The following PEAK1 variants were observed in gnomAD, a reference collection of about 807,000 sequenced individuals.
The protein encoded by PEAK1 is inactive tyrosine-protein kinase PEAK1.
Under a neutral mutation model 124.7 loss-of-function variants are expected in PEAK1, and 54 were observed. That is an observed-to-expected ratio of 0.43 (90% confidence interval 0.35 to 0.54). The LOEUF is 0.54. Among genes scored for constraint, PEAK1 ranks in the 20% least tolerant of loss-of-function variants. The probability of loss-of-function intolerance (pLI) is 0.01; values close to 1 mark genes in which losing one functional copy is unlikely to be tolerated. For missense variants in PEAK1, 2,046 were observed against 2,134.5 expected (o/e 0.96, Z 0.82); for synonymous variants, 719 against 760.0 (o/e 0.95, Z 0.89).
At chr15:77,397,837 A>G (rs556126263) in intron 1 of PEAK1, among the ~76,000 whole-genome samples, 138 of 152,252 alleles carry the variant, frequency 9.1e-4, no homozygotes, top group African/African-American at 3.2e-3. Context: ...AGGTGGGCGG[A>G]TCACCTGAGG....
chr15:77,268,259 G>A (rs948144649), intron 5 of PEAK1, among the ~76,000 whole-genome samples: 1 of 152,222 alleles, frequency 6.6e-6, no homozygotes, highest in African/African-American at 2.4e-5. Flanking sequence ...CAGATCACTT[G>A]ATGTCAGGAG....
At chr15:77,144,230 TA>T (rs1393163950) in intron 8 of PEAK1, among the ~76,000 whole-genome samples, 1 of 152,226 alleles carries the variant, frequency 6.6e-6, no homozygotes, top group Non-Finnish European at 1.5e-5. Context: ...TATCTACCAC[TA>T]TTTCTCATCA....
At chr15:77,303,533 G>T (rs2063900689) in intron 2 of PEAK1, among the ~76,000 whole-genome samples, 1 of 152,054 alleles carries the variant, frequency 6.6e-6, no homozygotes, top group Admixed American at 6.5e-5. Context: ...TGCTAATTTT[G>T]CCATCTGCTT....
intron 7 of PEAK1, among the ~76,000 whole-genome samples, chr15:77,172,299 T>C (rs1297801972): frequency 6.6e-6 from 1 of 152,218 alleles, no homozygotes; most frequent in African/African-American, 2.4e-5. Flanking sequence ...TTGACATATT[T>C]CATTATATAA....
At chr15:77,153,762 C>A (rs997788842) in intron 8 of PEAK1, among the ~76,000 whole-genome samples, 3 of 152,122 alleles carry the variant, frequency 2.0e-5, no homozygotes, top group Admixed American at 6.6e-5. Flanking sequence ...CATTCAGGAG[C>A]AGGTTGTTCA....
chr15:77,301,122 T>C (rs1488669514), intron 2 of PEAK1, among the ~76,000 whole-genome samples: 1 of 152,204 alleles, frequency 6.6e-6, no homozygotes, highest in African/African-American at 2.4e-5. Context: ...TATATGGTTC[T>C]AGAGACGAGA....
chr15:77,262,356 A>C (rs945593523), intron 5 of PEAK1, among the ~76,000 whole-genome samples: 1 of 152,168 alleles, frequency 6.6e-6, no homozygotes, highest in Admixed American at 6.5e-5. Context: ...TGCTGTATTC[A>C]GGAAACCCAT....
rs745592839 is a variant in PEAK1 at position 77,158,497 on chromosome 15, A to G, written c.3331+6T>C. On this transcript the variant is annotated splice_donor_region_variant and intron_variant, in intron 8 of 9. Coordinates refer to ENST00000682557, the MANE Select transcript of PEAK1 (RefSeq NM_001385026.1). ...TAAATACTACTTATTGGACATTTGCACTTACCTAAGTTGCTGTATGTTGCA... is the reference window on the plus strand; with the variant it reads ...TAAATACTACTTATTGGACATTTGCGCTTACCTAAGTTGCTGTATGTTGCA... 6.2e-7 allele frequency: 1 copy of G among 1,612,592 alleles called. No individual in the cohort carries two copies. The highest frequency in any genetic ancestry group is 1.1e-5 in the South Asian group (1 of 91,042).
intron 1 of PEAK1, among the ~76,000 whole-genome samples, chr15:77,409,531 A>G (rs1458799693): frequency 6.6e-6 from 1 of 152,212 alleles, no homozygotes; most frequent in African/African-American, 2.4e-5. Flanking sequence ...ATGAAAGCCC[A>G]GTGTTTGACG....
chr15:77,268,320 A>G (rs1325545652), intron 5 of PEAK1, among the ~76,000 whole-genome samples: 1 of 152,134 alleles, frequency 6.6e-6, no homozygotes, highest in Non-Finnish European at 1.5e-5. Flanking sequence ...CCTAAAATAC[A>G]CAAATTAGCT....
chr15:77,335,426 G>C (rs546088724), intron 2 of PEAK1: 1 of 984,848 alleles, frequency 1.0e-6, no homozygotes, highest in East Asian at 1.1e-4. Context: ...TTTTTTTTCT[G>C]CTATTTTGCC....
downstream of PEAK1, chr15:77,108,084 T>C (rs2050784517): frequency 6.6e-6 from 1 of 152,228 alleles, no homozygotes; most frequent in Non-Finnish European, 1.5e-5. Context: ...GGACAAGACA[T>C]AACCATGTCT....
At chr15:77,188,979 T>A (rs1320020831) in intron 6 of PEAK1, among the ~76,000 whole-genome samples, 1 of 152,088 alleles carries the variant, frequency 6.6e-6, no homozygotes, top group Non-Finnish European at 1.5e-5. Flanking sequence ...GGCGGGCAGA[T>A]CACCTGAAGT....
chr15:77,158,278 G>T, intron 8 of PEAK1: 1 of 504,472 alleles, frequency 2.0e-6, no homozygotes, highest in Non-Finnish European at 3.6e-6. Context: ...TCAAAGCAGT[G>T]TTAATAACCC....
upstream of PEAK1, chr15:77,420,241 C>A (rs1167027113): frequency 2.0e-5 from 3 of 151,108 alleles, no homozygotes; most frequent in South Asian, 3.8e-4. Flanking sequence ...CTCGCCCGCT[C>A]GCCGCGCTCC....
chr15:77,188,531 T>C (rs1424425362), intron 6 of PEAK1, among the ~76,000 whole-genome samples: 1 of 152,194 alleles, frequency 6.6e-6, no homozygotes, highest in African/African-American at 2.4e-5. Context: ...TTTAAGAAGG[T>C]ATACATCAGA....
intron 2 of PEAK1, chr15:77,337,550 G>A (rs2066278469): frequency 2.0e-6 from 2 of 984,850 alleles, no homozygotes; most frequent in Non-Finnish European, 2.4e-6. Context: ...GATGTAGTCT[G>A]GCAGAGATTC....
At chr15:77,222,842 G>A (rs2059449613) in intron 6 of PEAK1, among the ~76,000 whole-genome samples, 1 of 152,030 alleles carries the variant, frequency 6.6e-6, no homozygotes, top group Non-Finnish European at 1.5e-5. Flanking sequence ...GCAAAATAAA[G>A]CGCAAACAGA....
At chr15:77,398,961 C>T (rs2071125828) in intron 1 of PEAK1, among the ~76,000 whole-genome samples, 1 of 151,252 alleles carries the variant, frequency 6.6e-6, no homozygotes, top group South Asian at 2.1e-4. Context: ...TTCTACATGC[C>T]AACAGCAAAA....
Sources: allele counts gnomAD v4.1 joint callset (sites outside exome capture counted in the v4.1 genomes callset), GRCh38; gene constraint gnomAD v4.1.1; transcripts MANE v1.5; gene names NCBI Gene and HGNC (gene_info 2026-07-23, HGNC 2026-07-21).